Variants in ACOXL observed in about 807,000 individuals in gnomAD.
ACOXL encodes acyl-CoA oxidase like.
A neutral mutation model predicts 71.9 loss-of-function variants in ACOXL; 70 were observed. The ratio of observed to expected loss-of-function variants is 0.97; its 90% CI spans 0.80 to 1.19. The LOEUF is 1.19. Ranked by LOEUF, ACOXL falls within the 50% of genes most tolerant of loss-of-function variation. The pLI is 0.00. For missense variants in ACOXL, 703 were observed against 736.3 expected (o/e 0.95, Z 0.52); for synonymous variants, 253 against 281.6 (o/e 0.90, Z 1.02).
At chr2:111,027,162 CTGGGATT>C (rs1558884725) in intron 14 of ACOXL, among the ~76,000 whole-genome samples, 1 of 152,026 alleles carries the variant, frequency 6.6e-6, no homozygotes, top group Non-Finnish European at 1.5e-5. Flanking sequence ...CTCTAAAGTG[CTGGGATT>C]ACAGGCGTGA....
At chr2:110,964,848 A>G (rs1223649170) in intron 12 of ACOXL, among the ~76,000 whole-genome samples, 1 of 152,134 alleles carries the variant, frequency 6.6e-6, no homozygotes, top group Non-Finnish European at 1.5e-5. Context: ...TCTTTTGTGT[A>G]TTTTGCAATA....
chr2:110,964,961 G>A (rs2061862378), intron 12 of ACOXL, among the ~76,000 whole-genome samples: 1 of 152,082 alleles, frequency 6.6e-6, no homozygotes, highest in Non-Finnish European at 1.5e-5. Context: ...ATCAACTTCT[G>A]TTCATTCCCC....
At chr2:110,853,756 A>G (rs1191839383) in intron 10 of ACOXL, among the ~76,000 whole-genome samples, 2 of 152,128 alleles carry the variant, frequency 1.3e-5, no homozygotes, top group Non-Finnish European at 2.9e-5. Context: ...GTTTACAGGC[A>G]TGGGGGAAGG....
chr2:110,914,114 T>C (rs1336396162), intron 11 of ACOXL, among the ~76,000 whole-genome samples: 1 of 152,172 alleles, frequency 6.6e-6, no homozygotes, highest in Non-Finnish European at 1.5e-5. Context: ...TAGAAATCAC[T>C]GAATTGTACA....
At chr2:111,060,288 A>G (rs1342157385) in intron 16 of ACOXL, among the ~76,000 whole-genome samples, 1 of 152,106 alleles carries the variant, frequency 6.6e-6, no homozygotes, top group Non-Finnish European at 1.5e-5. Flanking sequence ...GAGAAGGCCA[A>G]ATGGGGAGAG....
At chr2:110,788,787 C>T (rs1401366146) in intron 3 of ACOXL, among the ~76,000 whole-genome samples, 1 of 152,240 alleles carries the variant, frequency 6.6e-6, no homozygotes, top group Non-Finnish European at 1.5e-5. Flanking sequence ...GTGCAGCCCC[C>T]AAGTCCTGAC....
intron 12 of ACOXL, among the ~76,000 whole-genome samples, chr2:110,962,918 A>AG (rs2061758065): frequency 6.6e-6 from 1 of 152,186 alleles, no homozygotes; most frequent in African/African-American, 2.4e-5. Context: ...TGGAAGAAGG[A>AG]GGTAGTGCAG....
Position 110,933,587 on chromosome 2 carries a change from G to A in ACOXL, c.1004G>A (p.Ser335Asn). 2 of 1,613,900 alleles carry A rather than the reference G, an allele frequency of 1.2e-6. No individual in the cohort carries two copies. The highest frequency in any genetic ancestry group is 2.7e-5 in the African/African-American group (2 of 75,056). ...QALVAGLKAY[S>N]TWENIRCLQD... is the part of the protein sequence containing the mutation. ...CTGGTGGCGGGGCTGAAGGCCTACA[G>A]CACCTGGGAGAACATCCGCTGCCTG... The change falls in exon 12 of 18, where the codon AGC (serine) becomes AAC (asparagine). Residue 335 changes from serine (S) to asparagine (N), a missense_variant. By Grantham distance (46) the Ser-to-Asn change is conservative. Coordinates refer to ENST00000439055, the MANE Select transcript of ACOXL (RefSeq NM_001142807.4).
Position 110,780,586 on chromosome 2 carries a change from A to G in ACOXL, c.76-4146A>G, listed in dbSNP as rs192044978. On this transcript the variant is annotated intron_variant, in intron 2 of 17. Transcript: ENST00000439055. ...TTTAGACAAATTATAAACTATTCAT[A>G]GATGGAAACCATTCTAATAATGAAC... Among the ~76,000 whole-genome samples the G allele has an allele frequency of 1.1e-3, 169 of 152,372 alleles. 2 individuals are homozygous for G. Among genetic ancestry groups the G allele is most frequent in the Admixed American group, 2.9e-3 (45 of 15,306 alleles).
chr2:111,022,225 CATG>C, intron 14 of ACOXL, among the ~76,000 whole-genome samples: 1 of 152,110 alleles, frequency 6.6e-6, no homozygotes, highest in Admixed American at 6.5e-5. Context: ...ATTAGCCAGG[CATG>C]GTGGTGGGCG....
At chr2:111,038,505 T>C (rs2065630089) in intron 15 of ACOXL, among the ~76,000 whole-genome samples, 1 of 152,266 alleles carries the variant, frequency 6.6e-6, no homozygotes, top group African/African-American at 2.4e-5. Context: ...CCTGTTCATT[T>C]AACTTCTAAT....
chr2:110,768,063 C>T (rs1037306926), intron 1 of ACOXL, among the ~76,000 whole-genome samples: 2 of 151,816 alleles, frequency 1.3e-5, no homozygotes, highest in Non-Finnish European at 2.9e-5. Flanking sequence ...ACCCGGGAGG[C>T]GGAGGTTGCA....
intron 14 of ACOXL, among the ~76,000 whole-genome samples, chr2:111,017,372 A>C (rs1470912750): frequency 6.6e-6 from 1 of 152,206 alleles, no homozygotes; most frequent in Non-Finnish European, 1.5e-5. Context: ...AGAACTGAGA[A>C]AAGGGACCCC....
chr2:110,875,961 C>T (rs1228918812), intron 10 of ACOXL, among the ~76,000 whole-genome samples: 2 of 152,052 alleles, frequency 1.3e-5, no homozygotes, highest in Non-Finnish European at 2.9e-5. Flanking sequence ...CTGTGTAAAT[C>T]CACTCTACTG....
intron 16 of ACOXL, among the ~76,000 whole-genome samples, chr2:111,077,439 A>G (rs1309511627): frequency 2.6e-5 from 4 of 152,280 alleles, no homozygotes; most frequent in Non-Finnish European, 4.4e-5. Flanking sequence ...TTTGCTTTCA[A>G]TCATTAAACA....
chr2:111,109,580 ATC>A (rs111868064), intron 17 of ACOXL, among the ~76,000 whole-genome samples: 3 of 150,882 alleles, frequency 2.0e-5, no homozygotes, highest in African/African-American at 7.3e-5. Context: ...ATTTTTTCAG[ATC>A]TAGAATTTTC....
intron 9 of ACOXL, among the ~76,000 whole-genome samples, chr2:110,826,839 A>G (rs1462517333): frequency 6.9e-6 from 1 of 145,942 alleles, no homozygotes; most frequent in African/African-American, 2.6e-5. Context: ...GTTTTGGTGC[A>G]TAGTCCTTTT....
intron 14 of ACOXL, among the ~76,000 whole-genome samples, chr2:111,004,291 A>T (rs1453631422): frequency 7.8e-6 from 1 of 127,404 alleles, no homozygotes. Context: ...TCAAAAGCAC[A>T]TTTTTACTTT....
chr2:110,838,313 A>G (rs1397590918), intron 9 of ACOXL, among the ~76,000 whole-genome samples: 3 of 152,074 alleles, frequency 2.0e-5, no homozygotes, highest in Admixed American at 6.5e-5. Flanking sequence ...TATGTGCACT[A>G]GTGTGCATAT....
Sources: gnomAD v4.1 joint callset for allele counts (sites outside exome capture counted in the v4.1 genomes callset) on GRCh38, gnomAD v4.1.1 for gene constraint, MANE v1.5 for transcripts, NCBI Gene and HGNC (gene_info 2026-07-23, HGNC 2026-07-21) for gene names.